The following NLK variants were observed in gnomAD, a reference collection of about 807,000 sequenced individuals.
The protein encoded by NLK is serine/threonine-protein kinase NLK.
A neutral mutation model predicts 59.0 loss-of-function variants in NLK; 11 were observed. The observed-to-expected ratio is 0.19, with a 90% CI of 0.12 to 0.31. NLK has a LOEUF of 0.31. Among genes scored for constraint, NLK ranks in the 10% least tolerant of loss-of-function variants. NLK has a pLI of 1.00. For synonymous variants in NLK, 235 were observed against 235.9 expected (o/e 1.00, Z 0.03); for missense variants, 410 against 661.1 (o/e 0.62, Z 4.16).
At chr17:28,119,940 G>A (rs1482502837) in intron 1 of NLK, among the ~76,000 whole-genome samples, 1 of 152,152 alleles carries the variant, frequency 6.6e-6, no homozygotes, top group African/African-American at 2.4e-5. Flanking sequence ...AGTCTTCAAA[G>A]TAACTGGCCT....
chr17:28,084,972 G>T (rs1910465376), intron 1 of NLK, among the ~76,000 whole-genome samples: 1 of 152,136 alleles, frequency 6.6e-6, no homozygotes, highest in Admixed American at 6.5e-5. Flanking sequence ...TCTAATTTTA[G>T]CCATTAGAAT....
chr17:28,125,242 AAAAT>A (rs1387207799), intron 2 of NLK, among the ~76,000 whole-genome samples: 5 of 152,220 alleles, frequency 3.3e-5, no homozygotes, highest in African/African-American at 1.2e-4. Flanking sequence ...TAGTGTAAGA[AAAAT>A]AAACTGAATT....
chr17:28,146,297 T>G (rs980301944), intron 3 of NLK, among the ~76,000 whole-genome samples: 6 of 152,192 alleles, frequency 3.9e-5, no homozygotes, highest in African/African-American at 1.4e-4. Context: ...AATGAATTAA[T>G]GTACGTTGAA....
At chr17:28,123,871 G>A (rs1362218875) in intron 2 of NLK, among the ~76,000 whole-genome samples, 1 of 152,146 alleles carries the variant, frequency 6.6e-6, no homozygotes, top group Non-Finnish European at 1.5e-5. Flanking sequence ...AAGAAAAACT[G>A]CCTCAAATTC....
chr17:28,190,032 G>A (rs1349815096), intron 8 of NLK, among the ~76,000 whole-genome samples: 4 of 152,266 alleles, frequency 2.6e-5, no homozygotes, highest in South Asian at 2.1e-4. Flanking sequence ...ATTTGGGAAC[G>A]AGAACAGTTG....
At chr17:28,068,976 C>A (rs1037481197) in intron 1 of NLK, among the ~76,000 whole-genome samples, 1 of 152,104 alleles carries the variant, frequency 6.6e-6, no homozygotes, top group Non-Finnish European at 1.5e-5. Flanking sequence ...ACACACCTAG[C>A]CTTTTTTGAT....
chr17:28,048,150 G>T, intron 1 of NLK: 1 of 389,146 alleles, frequency 2.6e-6, no homozygotes. Flanking sequence ...GGAAATTACA[G>T]GTTCATGATC....
chr17:28,085,896 G>C (rs1910499643), intron 1 of NLK, among the ~76,000 whole-genome samples: 1 of 152,180 alleles, frequency 6.6e-6, no homozygotes. Flanking sequence ...TTGTGGCCTA[G>C]GAGCAATAGG....
At chr17:28,157,751 G>A (rs576408825) in intron 3 of NLK, among the ~76,000 whole-genome samples, 9 of 152,162 alleles carry the variant, frequency 5.9e-5, no homozygotes, top group Non-Finnish European at 1.2e-4. Flanking sequence ...CTATGTAACC[G>A]TAGGTAGGTT....
At chr17:28,079,788 G>C (rs1314233192) in intron 1 of NLK, among the ~76,000 whole-genome samples, 2 of 152,144 alleles carry the variant, frequency 1.3e-5, no homozygotes, top group African/African-American at 4.8e-5. Flanking sequence ...TTATCACTCT[G>C]TTGATTGTTT....
chr17:28,168,371 T>C, intron 5 of NLK, 77 bp from the exon 6 acceptor site: 1 of 1,019,258 alleles, frequency 9.8e-7, no homozygotes, highest in Non-Finnish European at 1.5e-6. Context: ...TTCAGTGCCC[T>C]ATCAAAATTT....
chr17:28,086,621 T>A (rs926647074), intron 1 of NLK, among the ~76,000 whole-genome samples: 14 of 152,114 alleles, frequency 9.2e-5, no homozygotes, highest in African/African-American at 3.1e-4. Flanking sequence ...CTTTATTTTT[T>A]AAAATATTTT....
intron 1 of NLK, among the ~76,000 whole-genome samples, chr17:28,091,054 T>C (rs149532251): frequency 1.6e-3 from 238 of 152,304 alleles, no homozygotes; most frequent in African/African-American, 4.7e-3. Context: ...GATCTAGATA[T>C]ATTAACATGG....
At chr17:28,165,174 T>TA (rs548157322) in intron 5 of NLK, among the ~76,000 whole-genome samples, 70 of 150,874 alleles carry the variant, frequency 4.6e-4, no homozygotes, top group African/African-American at 1.1e-3. Context: ...GTTTTTTAAT[T>TA]AAAAAAAAAA....
intron 2 of NLK, among the ~76,000 whole-genome samples, chr17:28,131,584 A>G (rs1906518249): frequency 8.6e-6 from 1 of 116,080 alleles, no homozygotes; most frequent in African/African-American, 3.3e-5. Flanking sequence ...AGTTCTCTGT[A>G]GTAAAAAAAA....
intron 3 of NLK, among the ~76,000 whole-genome samples, chr17:28,142,561 G>A (rs768417923): frequency 6.6e-6 from 1 of 152,148 alleles, no homozygotes; most frequent in Non-Finnish European, 1.5e-5. Flanking sequence ...ACACATTGCT[G>A]TTTTTCTTTC....
At chr17:28,091,995 G>C (rs1904511389) in intron 1 of NLK, among the ~76,000 whole-genome samples, 1 of 152,118 alleles carries the variant, frequency 6.6e-6, no homozygotes, top group African/African-American at 2.4e-5. Flanking sequence ...ATGTTGCCAG[G>C]TAGGCACCCC....
chr17:28,073,333 G>A (rs1910068606), intron 1 of NLK, among the ~76,000 whole-genome samples: 1 of 152,158 alleles, frequency 6.6e-6, no homozygotes, highest in African/African-American at 2.4e-5. Context: ...AGTCTCCTGG[G>A]AAGGGCCCCA....
chr17:28,130,742 G>A (rs1489490303), intron 2 of NLK, among the ~76,000 whole-genome samples: 7 of 152,130 alleles, frequency 4.6e-5, no homozygotes, highest in Admixed American at 1.3e-4. Flanking sequence ...TTGAGAGTCC[G>A]AAAGATGTCA....
Sources: allele counts gnomAD v4.1 joint callset (sites outside exome capture counted in the v4.1 genomes callset), GRCh38; gene constraint gnomAD v4.1.1; transcripts MANE v1.5; gene names NCBI Gene and HGNC (gene_info 2026-07-23, HGNC 2026-07-21).